Variants in LMO7 observed in about 807,000 individuals in gnomAD.
LMO7 encodes the protein LIM domain 7.
A neutral mutation model predicts 206.5 loss-of-function variants in LMO7; 120 were observed. The observed-to-expected ratio is 0.58, with a 90% confidence interval of 0.50 to 0.68. The LOEUF (loss-of-function observed/expected upper bound fraction) is 0.68. LMO7 is among the 30% of genes least tolerant of loss of function. The pLI, the probability that LMO7 is intolerant of heterozygous loss-of-function variation, is 0.00. For synonymous variants in LMO7, 706 were observed against 681.5 expected (o/e 1.04, Z -0.56); for missense variants, 1,959 against 1,957.9 (o/e 1.00, Z -0.01).
chr13:75,858,121 GTTGT>G lies in LMO7; in HGVS notation c.*181_*184del. On this transcript the variant is annotated 3_prime_UTR_variant, in exon 31 of 31. Coordinates refer to ENST00000377534, the MANE Select transcript of LMO7 (RefSeq NM_001306080.2). ...TAGTCTTGGTAGAACCAGTATTTTT[GTTGT>G]TTATTTATAAGGTAATTGTGTGTGG... is the stretch of plus-strand genomic sequence containing the variant. 1.8e-6 allele frequency: 1 copy of G among 561,126 alleles called. No homozygotes were observed. Among genetic ancestry groups the G allele is most frequent in the South Asian group, 3.1e-5 (1 of 32,104 alleles). The allele number at this position is 561,126 out of a possible 1,614,324, so 34.8% of individuals were successfully genotyped here.
intron 4 of LMO7, among the ~76,000 whole-genome samples, chr13:75,769,980 G>C (rs916729865): frequency 1.2e-4 from 18 of 152,008 alleles, no homozygotes; most frequent in Non-Finnish European, 1.5e-5. Flanking sequence ...TTCATACTGA[G>C]AAATAAAAAT....
At chr13:75,744,897 T>C (rs2046711263) in intron 3 of LMO7, among the ~76,000 whole-genome samples, 2 of 152,148 alleles carry the variant, frequency 1.3e-5, no homozygotes, top group Non-Finnish European at 2.9e-5. Flanking sequence ...AACAGATCCA[T>C]GTGTCAGTTC....
intron 2 of LMO7, among the ~76,000 whole-genome samples, chr13:75,626,595 A>ATATATATTTTTTTTTTTTTTTTTT: frequency 1.4e-5 from 1 of 71,184 alleles, no homozygotes; most frequent in South Asian, 4.8e-4. Context: ...ATATATATAA[A>ATATATATTTTTTTTTTTTTTTTTT]TTTTTTTGAG....
In LMO7 at chr13:75,807,444, T is replaced by G. The variant is rs528715106; in HGVS notation, c.1197-36T>G. The G allele has an allele frequency of 3.7e-6, 6 of 1,600,628 alleles. No homozygotes were observed. The South Asian group carries it at 5.6e-5, about 15-fold the overall frequency. On this transcript the variant is annotated intron_variant, in intron 9 of 30. Transcript: ENST00000377534. ...AATTACCTTTTCTCCCTAAGCTTAA[T>G]AAGATTCTCTTTCCTTTTTCCTCTC...
At chr13:75,687,937 G>A (rs756382590) in intron 1 of LMO7, among the ~76,000 whole-genome samples, 5 of 152,144 alleles carry the variant, frequency 3.3e-5, no homozygotes, top group Non-Finnish European at 7.4e-5. Context: ...GGAGGTAATT[G>A]AATCATGGGG....
At chr13:75,677,814 C>A (rs2040146048) in intron 1 of LMO7, among the ~76,000 whole-genome samples, 1 of 131,168 alleles carries the variant, frequency 7.6e-6, no homozygotes, top group East Asian at 2.3e-4. Context: ...CACAACAGTC[C>A]CCGGTGTGTG....
In LMO7 at chr13:75,840,129, T is replaced by C; in HGVS notation, c.3477+19T>C. On this transcript the variant is annotated intron_variant, in intron 21 of 30. Coordinates refer to ENST00000377534, the MANE Select transcript of LMO7 (RefSeq NM_001306080.2). Reference sequence around the variant, plus strand: ...TCCTGATGTAAGTAGCATTCATTTGTCATTTGGAATAAGGTGAACTTGGTG... The same window carrying C: ...TCCTGATGTAAGTAGCATTCATTTGCCATTTGGAATAAGGTGAACTTGGTG... 1 of 1,613,360 alleles carries C rather than the reference T, an allele frequency of 6.2e-7. No individual in the cohort carries two copies. Among genetic ancestry groups the C allele is most frequent in the Non-Finnish European group, 8.5e-7 (1 of 1,179,296 alleles).
intron 14 of LMO7, among the ~76,000 whole-genome samples, chr13:75,822,701 G>T (rs960797127): frequency 6.8e-6 from 1 of 148,026 alleles, no homozygotes; most frequent in Non-Finnish European, 1.5e-5. Context: ...CAAGGATGCT[G>T]AGAAACAGAT....
intron 3 of LMO7, among the ~76,000 whole-genome samples, chr13:75,737,987 G>T (rs1188762894): frequency 6.6e-6 from 1 of 151,780 alleles, no homozygotes; most frequent in Admixed American, 6.6e-5. Context: ...TTCTTTGAAG[G>T]CTACAGATAT....
intron 5 of LMO7, among the ~76,000 whole-genome samples, 187 bp from the exon 6 acceptor site, chr13:75,796,449 A>G (rs1284059992): frequency 6.6e-6 from 1 of 152,212 alleles, no homozygotes. Flanking sequence ...CAGAGACAGG[A>G]AAATTTAGCA....
chr13:75,671,208 C>A (rs1299263176), intron 1 of LMO7, among the ~76,000 whole-genome samples: 1 of 105,464 alleles, frequency 9.5e-6, no homozygotes, highest in African/African-American at 3.2e-5. Flanking sequence ...TTACAGTTAA[C>A]CTTTTTTTTT....
chr13:75,844,697 C>T (rs995847100), intron 25 of LMO7, among the ~76,000 whole-genome samples: 2 of 152,152 alleles, frequency 1.3e-5, no homozygotes, highest in African/African-American at 2.4e-5. Context: ...GAGTGAGCCA[C>T]CAAGCCCAGC....
intron 2 of LMO7, 49 bp from the exon 3 acceptor site, chr13:75,726,980 A>C (rs777278154): frequency 9.6e-6 from 10 of 1,039,464 alleles, no homozygotes; most frequent in Non-Finnish European, 1.2e-5. Context: ...CTAACAAAAA[A>C]CCTGATATTG....
rs183876602 is a variant in LMO7 at position 75,735,548 on chromosome 13, G to T, written c.210+8450G>T. ...GTGATCTTGGCTCCCTGCAAACTCC[G>T]CCTTCTGGGTTGAAGCGATTCCCCT... On this transcript the variant is annotated intron_variant, in intron 3 of 30. Coordinates refer to ENST00000377534, the MANE Select transcript of LMO7 (RefSeq NM_001306080.2). Among the ~76,000 whole-genome samples, 14 of 152,210 alleles carry T rather than the reference G, an allele frequency of 9.2e-5. No homozygotes were observed. In the East Asian group the frequency reaches 2.5e-3, roughly 27 times the overall value.
At chr13:75,838,381 C>A in intron 20 of LMO7, 185 bp downstream of exon 20, 1 of 1,479,972 alleles carries the variant, frequency 6.8e-7, no homozygotes, top group African/African-American at 1.4e-5. Flanking sequence ...CATGGGTCTA[C>A]CTCTGTGGTA....
intron 1 of LMO7, among the ~76,000 whole-genome samples, chr13:75,640,798 C>T (rs1422963037): frequency 1.3e-5 from 2 of 152,212 alleles, no homozygotes; most frequent in African/African-American, 2.4e-5. Context: ...GCTTCAGTGT[C>T]TTAAGCTTTA....
At chr13:75,734,443 C>A (rs1307323969) in intron 3 of LMO7, among the ~76,000 whole-genome samples, 1 of 152,174 alleles carries the variant, frequency 6.6e-6, no homozygotes, top group Admixed American at 6.5e-5. Context: ...AGAAACCTTA[C>A]TATTTTTACA....
Position 75,812,259 on chromosome 13 carries a change from T to C in LMO7, c.1946+3076T>C, listed in dbSNP as rs548879273. Among the ~76,000 whole-genome samples, 5 of 152,302 alleles carry C rather than the reference T, an allele frequency of 3.3e-5. No homozygotes were observed. The East Asian group carries it at 5.8e-4, about 18-fold the overall frequency. The stretch of plus-strand genomic sequence containing the variant: ...GAGGAACCCTCATTGAGACTATAAA[T>C]CTATAAATGAAAAATCTACATCACA... On this transcript the variant is annotated intron_variant, in intron 11 of 30. Transcript: ENST00000377534.
In LMO7 at chr13:75,800,689, C is replaced by T. The variant is rs41286122; in HGVS notation, c.468C>T (p.Leu156=). ...NLLGQALTKA[L]EDSSFLKRSG... ...TTAAAAAACGTTTTCTTTAGGCACT[C>T]GAAGACTCCAGCTTCCTGAAAAGAA... The change falls in exon 7 of 31, where the codon CTC becomes CTT. Residue 156 remains leucine (L), a synonymous_variant. Coordinates refer to ENST00000377534, the MANE Select transcript of LMO7 (RefSeq NM_001306080.2). 6.8e-5 allele frequency: 109 copies of T among 1,613,718 alleles called. No individual in the cohort carries two copies. The African/African-American group carries it at 8.1e-4, about 12-fold the overall frequency.
Sources: allele counts gnomAD v4.1 joint callset (sites outside exome capture counted in the v4.1 genomes callset), GRCh38; gene constraint gnomAD v4.1.1; transcripts MANE v1.5; gene names NCBI Gene and HGNC (gene_info 2026-07-23, HGNC 2026-07-21).